Variants in CPNE4 observed in about 807,000 individuals in gnomAD.
CPNE4 encodes the protein copine 4, also known as copine-4.
A neutral mutation model predicts 67.9 loss-of-function variants in CPNE4; 25 were observed. That is an observed-to-expected ratio of 0.37 (90% CI 0.27 to 0.51). The LOEUF (loss-of-function observed/expected upper bound fraction) is 0.51, where lower values mean the gene tolerates loss of function less well. Ranked by LOEUF, CPNE4 falls within the 20% of genes least tolerant of loss-of-function variation. The pLI is 0.93. For synonymous variants in CPNE4, 242 were observed against 244.9 expected (o/e 0.99, Z 0.11); for missense variants, 464 against 690.8 (o/e 0.67, Z 3.68).
intron 2 of CPNE4, among the ~76,000 whole-genome samples, chr3:131,869,612 C>A (rs2087109008): frequency 1.3e-5 from 2 of 152,132 alleles, no homozygotes; most frequent in South Asian, 4.1e-4. Context: ...TAGATAAAAT[C>A]ATAAATAAAA....
intron 1 of CPNE4, among the ~76,000 whole-genome samples, chr3:131,955,008 C>T (rs546303489): frequency 1.3e-5 from 2 of 149,652 alleles, no homozygotes; most frequent in African/African-American, 4.9e-5. Context: ...CAGATACGCA[C>T]ACCAATTTCA....
intron 7 of CPNE4, among the ~76,000 whole-genome samples, chr3:131,588,499 C>T (rs1288601918): frequency 2.0e-5 from 3 of 152,268 alleles, no homozygotes; most frequent in East Asian, 3.9e-4. Flanking sequence ...CAGAGGTTTT[C>T]CTTGGAATAT....
At chr3:131,947,934 T>C (rs904969580) in intron 1 of CPNE4, among the ~76,000 whole-genome samples, 14 of 152,208 alleles carry the variant, frequency 9.2e-5, no homozygotes, top group African/African-American at 3.1e-4. Flanking sequence ...GTCATTGAAA[T>C]CTTTTATAGA....
chr3:131,900,654 T>C (rs2088519533), intron 2 of CPNE4, among the ~76,000 whole-genome samples: 4 of 152,104 alleles, frequency 2.6e-5, no homozygotes. Flanking sequence ...CAATACATGC[T>C]GGGGTTAAAT....
chr3:131,717,128 CA>C (rs1393319177), intron 3 of CPNE4, among the ~76,000 whole-genome samples: 1 of 152,180 alleles, frequency 6.6e-6, no homozygotes, highest in Non-Finnish European at 1.5e-5. Context: ...GCCAAAGTGT[CA>C]AAACCTGTGA....
At chr3:131,839,237 T>A (rs1162266388) in intron 2 of CPNE4, among the ~76,000 whole-genome samples, 1 of 151,860 alleles carries the variant, frequency 6.6e-6, no homozygotes, top group Non-Finnish European at 1.5e-5. Flanking sequence ...ATGGTGAACA[T>A]TTTGAATAAT....
chr3:131,939,557 C>A (rs1232209624), intron 1 of CPNE4, among the ~76,000 whole-genome samples: 1 of 151,934 alleles, frequency 6.6e-6, no homozygotes, highest in Non-Finnish European at 1.5e-5. Flanking sequence ...TAAGATTATC[C>A]TGATTTCCCC....
At chr3:131,594,090 A>T (rs1938701262) in intron 7 of CPNE4, among the ~76,000 whole-genome samples, 1 of 152,138 alleles carries the variant, frequency 6.6e-6, no homozygotes, top group Non-Finnish European at 1.5e-5. Flanking sequence ...CTTAGAGAAG[A>T]AGCTTTTAAT....
chr3:132,006,964 G>T (rs1392152431), intron 1 of CPNE4, among the ~76,000 whole-genome samples: 1 of 152,152 alleles, frequency 6.6e-6, no homozygotes, highest in Non-Finnish European at 1.5e-5. Context: ...CCCCTGCTGA[G>T]AAGCTGAGCC....
At chr3:131,800,402 T>C (rs1009860366) in intron 2 of CPNE4, among the ~76,000 whole-genome samples, 11 of 152,162 alleles carry the variant, frequency 7.2e-5, no homozygotes, top group African/African-American at 2.4e-4. Flanking sequence ...TATATATTCT[T>C]AGCTCCTTGC....
intron 9 of CPNE4, among the ~76,000 whole-genome samples, chr3:131,578,673 T>G (rs1304827407): frequency 6.6e-6 from 1 of 152,076 alleles, no homozygotes; most frequent in East Asian, 1.9e-4. Flanking sequence ...GATAAGGAAG[T>G]GAAATAGGCT....
At chr3:131,629,898 C>T (rs2079175245) in intron 7 of CPNE4, among the ~76,000 whole-genome samples, 1 of 152,076 alleles carries the variant, frequency 6.6e-6, no homozygotes, top group Admixed American at 6.5e-5. Flanking sequence ...TGTGGTCTCT[C>T]TCTCGTTCTC....
intron 2 of CPNE4, among the ~76,000 whole-genome samples, chr3:131,848,969 A>AC (rs945824996): frequency 1.5e-4 from 23 of 148,586 alleles, no homozygotes; most frequent in African/African-American, 5.4e-4. Flanking sequence ...AAAAAAAAAA[A>AC]AAAAAAAAAA....
chr3:131,864,975 G>A (rs1055003923), intron 2 of CPNE4, among the ~76,000 whole-genome samples: 6 of 151,976 alleles, frequency 3.9e-5, no homozygotes, highest in Non-Finnish European at 8.8e-5. Context: ...CGTGGTTTTC[G>A]TCGTTGGTTC....
At chr3:131,908,521 T>C (rs1367183926) in intron 1 of CPNE4, among the ~76,000 whole-genome samples, 1 of 152,062 alleles carries the variant, frequency 6.6e-6, no homozygotes, top group Non-Finnish European at 1.5e-5. Context: ...GAATCTACAC[T>C]CCTCTTCTGC....
intron 7 of CPNE4, among the ~76,000 whole-genome samples, chr3:131,588,719 A>T (rs1938344321): frequency 6.6e-6 from 1 of 152,076 alleles, no homozygotes; most frequent in Non-Finnish European, 1.5e-5. Flanking sequence ...ATCAACACTC[A>T]TTCAGTTACT....
intron 2 of CPNE4, among the ~76,000 whole-genome samples, chr3:131,796,241 C>T (rs1181450873): frequency 2.0e-5 from 3 of 152,022 alleles, no homozygotes; most frequent in African/African-American, 7.3e-5. Context: ...TGTGAGAAGA[C>T]TTCTGCCACA....
intron 2 of CPNE4, among the ~76,000 whole-genome samples, chr3:131,726,987 G>A (rs998228462): frequency 2.0e-5 from 3 of 152,136 alleles, no homozygotes; most frequent in Non-Finnish European, 2.9e-5. Flanking sequence ...TTCCCTAATC[G>A]TGATGACTGA....
intron 1 of CPNE4, among the ~76,000 whole-genome samples, chr3:131,949,780 AT>A (rs1206848114): frequency 6.6e-6 from 1 of 152,260 alleles, no homozygotes; most frequent in Admixed American, 6.5e-5. Flanking sequence ...TCTCTGCCTA[AT>A]TTTCCTCCAT....
Sources: gnomAD v4.1 joint callset for allele counts (sites outside exome capture counted in the v4.1 genomes callset) on GRCh38, gnomAD v4.1.1 for gene constraint, MANE v1.5 for transcripts, NCBI Gene and HGNC (gene_info 2026-07-23, HGNC 2026-07-21) for gene names.